The following GPR39 variants were observed in gnomAD, a reference collection of about 807,000 sequenced individuals.
GPR39 encodes the protein G protein-coupled receptor 39, also known as zinc sensing receptor.
A neutral mutation model predicts 18.4 loss-of-function variants in GPR39; 23 were observed. The observed-to-expected ratio is 1.25, with a 90% CI of 0.90 to 1.77. The LOEUF is 1.77. Ranked by LOEUF, GPR39 falls within the 40% of genes most tolerant of loss-of-function variation. The pLI is 0.00. For missense variants in GPR39, 647 were observed against 602.4 expected (o/e 1.07, Z -0.78); for synonymous variants, 280 against 257.9 (o/e 1.09, Z -0.82).
intron 1 of GPR39, among the ~76,000 whole-genome samples, chr2:132,496,679 T>G (rs1297578609): frequency 1.3e-5 from 2 of 152,224 alleles, no homozygotes; most frequent in Non-Finnish European, 2.9e-5. Context: ...TGACATGCTG[T>G]GCAAATATAT....
chr2:132,571,370 G>T (rs372384688), intron 1 of GPR39, among the ~76,000 whole-genome samples: 9 of 152,074 alleles, frequency 5.9e-5, no homozygotes, highest in African/African-American at 1.9e-4. Context: ...TGATCATTCT[G>T]GTTATAGTCA....
At chr2:132,559,081 A>C (rs1680203094) in intron 1 of GPR39, among the ~76,000 whole-genome samples, 1 of 152,226 alleles carries the variant, frequency 6.6e-6, no homozygotes, top group Non-Finnish European at 1.5e-5. Flanking sequence ...CTATAATAGA[A>C]AATGGCGTTC....
intron 1 of GPR39, among the ~76,000 whole-genome samples, chr2:132,495,087 A>G (rs191736007): frequency 2.6e-5 from 4 of 152,312 alleles, no homozygotes; most frequent in African/African-American, 4.8e-5. Flanking sequence ...AGAGAGTAAC[A>G]TAACAAGGCC....
intron 1 of GPR39, among the ~76,000 whole-genome samples, chr2:132,551,442 T>C (rs1680043151): frequency 6.6e-6 from 1 of 152,196 alleles, no homozygotes. Context: ...CAGGAGCTTG[T>C]AATGCTGAGG....
chr2:132,501,480 CTTGTT>C (rs958557820), intron 1 of GPR39, among the ~76,000 whole-genome samples: 2 of 152,068 alleles, frequency 1.3e-5, no homozygotes, highest in East Asian at 3.9e-4. Context: ...TTTAGTGAGA[CTTGTT>C]TTGTGGGCTA....
chr2:132,595,184 A>C (rs990245504), intron 1 of GPR39, among the ~76,000 whole-genome samples: 7 of 152,094 alleles, frequency 4.6e-5, no homozygotes, highest in Admixed American at 4.6e-4. Context: ...TTTTTAGTAG[A>C]GATGGGGGTT....
At chr2:132,433,158 T>C (rs1378998953) in intron 1 of GPR39, among the ~76,000 whole-genome samples, 2 of 152,198 alleles carry the variant, frequency 1.3e-5, no homozygotes, top group Non-Finnish European at 2.9e-5. Context: ...TTTACTATCA[T>C]AAAATATACA....
intron 1 of GPR39, among the ~76,000 whole-genome samples, chr2:132,554,674 G>A (rs1275452278): frequency 6.6e-6 from 1 of 152,120 alleles, no homozygotes; most frequent in African/African-American, 2.4e-5. Context: ...TCATATATTT[G>A]GAGAGGGGGC....
Position 132,631,260 on chromosome 2 carries a change from C to T in GPR39, c.857-13841C>T, listed in dbSNP as rs774048350. ...TACTACGTACAACAATGTGCATCTC[C>T]GACATTTACTGCTGCACTTGGATGG... On this transcript the variant is annotated intron_variant, in intron 1 of 1. Coordinates refer to ENST00000329321, the MANE Select transcript of GPR39 (RefSeq NM_001508.3). Among the ~76,000 whole-genome samples the T allele has an allele frequency of 1.2e-4, 18 of 152,238 alleles. 1 individual carries two copies. The highest frequency in any genetic ancestry group is 6.8e-3 in the Middle Eastern group (2 of 294).
At chr2:132,520,937 G>T (rs1185981442) in intron 1 of GPR39, among the ~76,000 whole-genome samples, 1 of 152,222 alleles carries the variant, frequency 6.6e-6, no homozygotes. Context: ...GCAATCTGTT[G>T]TAAGTAGAAG....
At chr2:132,637,636 C>G (rs1319939606) in intron 1 of GPR39, among the ~76,000 whole-genome samples, 1 of 152,218 alleles carries the variant, frequency 6.6e-6, no homozygotes, top group Non-Finnish European at 1.5e-5. Context: ...GACCTCCAAG[C>G]TGCAGGTCAC....
chr2:132,450,280 A>C (rs1304589727), intron 1 of GPR39, among the ~76,000 whole-genome samples: 2 of 152,162 alleles, frequency 1.3e-5, no homozygotes, highest in Non-Finnish European at 2.9e-5. Flanking sequence ...ATCAGCATAG[A>C]ATTGATGCAA....
chr2:132,569,922 G>A (rs1322416632), intron 1 of GPR39, among the ~76,000 whole-genome samples: 1 of 152,204 alleles, frequency 6.6e-6, no homozygotes, highest in Non-Finnish European at 1.5e-5. Context: ...TGTCATGATT[G>A]TGAGGTCTCC....
At chr2:132,510,063 A>G (rs780947081) in intron 1 of GPR39, among the ~76,000 whole-genome samples, 5 of 152,216 alleles carry the variant, frequency 3.3e-5, no homozygotes, top group Non-Finnish European at 5.9e-5. Context: ...GAGAGGCTCA[A>G]TGGAGCCATT....
chr2:132,456,304 CTT>C (rs55848082), intron 1 of GPR39, among the ~76,000 whole-genome samples: 78,885 of 142,918 alleles, frequency 0.55, 23,091 homozygotes, highest in Non-Finnish European at 0.68. Context: ...GCAACCCCTG[CTT>C]TTTTTTTTTT....
intron 1 of GPR39, among the ~76,000 whole-genome samples, chr2:132,540,678 G>A (rs1679845618): frequency 6.6e-6 from 1 of 152,154 alleles, no homozygotes; most frequent in Non-Finnish European, 1.5e-5. Flanking sequence ...TTGTAATTTT[G>A]TCTCAGCCAC....
Position 132,416,941 on chromosome 2 carries a change from C to G in GPR39, c.-102C>G. 1 of 1,379,580 alleles carries G rather than the reference C, an allele frequency of 7.2e-7. No individual in the cohort carries two copies. The highest frequency in any genetic ancestry group is 9.9e-7 in the Non-Finnish European group (1 of 1,009,812). 85.5% of individuals were successfully genotyped at this position (1,379,580 alleles called of 1,614,324 possible). ...AGAACTCGAGTGAGATAAAATCGTGCGCCCACGCAGGTGAGTTTGCAGCCA... is the reference window on the plus strand; with the variant it reads ...AGAACTCGAGTGAGATAAAATCGTGGGCCCACGCAGGTGAGTTTGCAGCCA... On this transcript the variant is annotated 5_prime_UTR_variant, in exon 1 of 2. Coordinates refer to ENST00000329321, the MANE Select transcript of GPR39 (RefSeq NM_001508.3).
intron 1 of GPR39, among the ~76,000 whole-genome samples, chr2:132,526,712 G>A (rs1204022449): frequency 6.6e-6 from 1 of 152,066 alleles, no homozygotes; most frequent in Non-Finnish European, 1.5e-5. Flanking sequence ...GGTGTGTAGG[G>A]AAAATGTCCC....
At position 132,417,566 on chromosome 2, in the gene GPR39, G is replaced by C; in HGVS notation, c.524G>C (p.Gly175Ala). ...GCACTGCCCTTGCTGTTTGCCATGGGTACTGAGTACCCCCTGGTGAACGTG... is the reference window on the plus strand; with the variant it reads ...GCACTGCCCTTGCTGTTTGCCATGGCTACTGAGTACCCCCTGGTGAACGTG... Reference protein sequence around the residue: ...LVALPLLFAMGTEYPLVNVPS... With the variant: ...LVALPLLFAMATEYPLVNVPS... Residue 175 changes from glycine to alanine, a missense_variant, in exon 1 of 2, where the codon GGT (glycine) becomes GCT (alanine). Coordinates refer to ENST00000329321, the MANE Select transcript of GPR39 (RefSeq NM_001508.3). 6.2e-7 allele frequency: 1 copy of C among 1,614,116 alleles called. No homozygotes were observed. The highest frequency in any genetic ancestry group is 8.5e-7 in the Non-Finnish European group (1 of 1,180,038).
Sources: allele counts gnomAD v4.1 joint callset (sites outside exome capture counted in the v4.1 genomes callset), GRCh38; gene constraint gnomAD v4.1.1; transcripts MANE v1.5; gene names NCBI Gene and HGNC (gene_info 2026-07-23, HGNC 2026-07-21).